CAMTA1: variants seen among roughly 807,000 people sequenced by gnomAD.
The protein encoded by CAMTA1 is calmodulin binding transcription activator 1, also known as calmodulin-binding transcription activator 1.
CAMTA1 carries 27 observed loss-of-function variants against 170.9 expected under a neutral mutation model. The ratio of observed to expected loss-of-function variants is 0.16; its 90% CI spans 0.12 to 0.22. The LOEUF is 0.22. Ranked by LOEUF, CAMTA1 falls within the 10% of genes least tolerant of loss-of-function variation. The pLI, the probability that CAMTA1 is intolerant of heterozygous loss-of-function variation, is 1.00. For missense variants in CAMTA1, 1,619 were observed against 2,217.2 expected, an observed-to-expected ratio of 0.73 and a Z score of 5.42; for synonymous variants, 833 against 891.5, an observed-to-expected ratio of 0.93 and a Z score of 1.17.
At chr1:7,558,846 C>T (rs958788771) in intron 6 of CAMTA1, among the ~76,000 whole-genome samples, 2 of 152,222 alleles carry the variant, frequency 1.3e-5, no homozygotes, top group South Asian at 2.1e-4. Flanking sequence ...ATGACTCCAG[C>T]GTTATTTAGT....
chr1:7,655,966 G>C (rs2095899587), intron 7 of CAMTA1, among the ~76,000 whole-genome samples: 1 of 152,200 alleles, frequency 6.6e-6, no homozygotes, highest in African/African-American at 2.4e-5. Flanking sequence ...GTCTGGAGGT[G>C]GGGCCCCATG....
chr1:6,975,008 C>T lies in CAMTA1; in HGVS notation c.235-116296C>T, dbSNP rs546486083. Among the ~76,000 whole-genome samples the T allele has an allele frequency of 5.3e-5, 8 of 152,330 alleles. No homozygotes were observed. The East Asian group carries it at 1.5e-3, about 29-fold the overall frequency. ...ACAAGTTAATTTTTGGACAGATTAT[C>T]CTGCCAACTTAAATTATCAATAAAT... is the stretch of plus-strand genomic sequence containing the variant. On this transcript the variant is annotated intron_variant, in intron 3 of 22. Transcript: ENST00000303635.
At chr1:6,941,917 G>C (rs540054715) in intron 3 of CAMTA1, among the ~76,000 whole-genome samples, 23 of 152,340 alleles carry the variant, frequency 1.5e-4, no homozygotes, top group African/African-American at 5.3e-4. Flanking sequence ...GGTAAATGCA[G>C]CCACTGAAGA....
At chr1:7,755,269 G>A (rs974949768) in intron 21 of CAMTA1, among the ~76,000 whole-genome samples, 1 of 142,238 alleles carries the variant, frequency 7.0e-6, no homozygotes, top group Non-Finnish European at 1.5e-5. Context: ...GGAGGCTGCA[G>A]TGAGCCAAGA....
At chr1:7,079,936 T>C (rs1389734859) in intron 3 of CAMTA1, among the ~76,000 whole-genome samples, 1 of 152,216 alleles carries the variant, frequency 6.6e-6, no homozygotes, top group African/African-American at 2.4e-5. Context: ...TAAAATTCCG[T>C]ATAGAGTAAA....
At chr1:7,453,138 C>T (rs1219132379) in intron 5 of CAMTA1, among the ~76,000 whole-genome samples, 1 of 152,244 alleles carries the variant, frequency 6.6e-6, no homozygotes, top group Non-Finnish European at 1.5e-5. Context: ...CTCCCAGCAG[C>T]ATCTGGTGGC....
At chr1:7,085,198 C>A (rs1385525795) in intron 3 of CAMTA1, among the ~76,000 whole-genome samples, 2 of 152,172 alleles carry the variant, frequency 1.3e-5, no homozygotes, top group Admixed American at 6.5e-5. Context: ...TTGGACAGTG[C>A]AACTCTGGCA....
chr1:7,492,519 C>T (rs1288296833), intron 6 of CAMTA1, among the ~76,000 whole-genome samples: 1 of 152,192 alleles, frequency 6.6e-6, no homozygotes, highest in Non-Finnish European at 1.5e-5. Flanking sequence ...GAGAGCTCAT[C>T]CGCTCCTGCA....
chr1:7,110,546 C>CG (rs1304000173), intron 4 of CAMTA1, among the ~76,000 whole-genome samples: 2 of 152,220 alleles, frequency 1.3e-5, no homozygotes, highest in Admixed American at 1.3e-4. Flanking sequence ...AGCCCTGCTA[C>CG]GGGGGAGAGT....
At chr1:7,555,331 G>T (rs566727529) in intron 6 of CAMTA1, among the ~76,000 whole-genome samples, 1 of 152,226 alleles carries the variant, frequency 6.6e-6, no homozygotes, top group South Asian at 2.1e-4. Context: ...TAGGACCCAG[G>T]AGGGCAGCTG....
chr1:7,739,161 G>A (rs536098800), intron 16 of CAMTA1, among the ~76,000 whole-genome samples: 35 of 148,374 alleles, frequency 2.4e-4, no homozygotes, highest in Non-Finnish European at 4.5e-4. Context: ...AAACATGTTT[G>A]AATTCCTCTC....
At chr1:7,021,574 CA>C (rs1195240738) in intron 3 of CAMTA1, among the ~76,000 whole-genome samples, 3 of 152,302 alleles carry the variant, frequency 2.0e-5, no homozygotes, top group Non-Finnish European at 2.9e-5. Flanking sequence ...AACCACTGGA[CA>C]GTGAGCACGG....
intron 4 of CAMTA1, among the ~76,000 whole-genome samples, chr1:7,153,661 C>A (rs1029508823): frequency 6.6e-6 from 1 of 152,168 alleles, no homozygotes; most frequent in East Asian, 1.9e-4. Flanking sequence ...CCTGCTCTTT[C>A]TCACAGCAGA....
At chr1:7,471,382 C>T (rs2093327382) in intron 6 of CAMTA1, among the ~76,000 whole-genome samples, 1 of 152,226 alleles carries the variant, frequency 6.6e-6, no homozygotes, top group African/African-American at 2.4e-5. Flanking sequence ...TGTGAGGTCA[C>T]CAGGACAGCT....
chr1:7,038,310 C>A (rs1703936806), intron 3 of CAMTA1, among the ~76,000 whole-genome samples: 1 of 152,108 alleles, frequency 6.6e-6, no homozygotes, highest in Non-Finnish European at 1.5e-5. Flanking sequence ...TGCAAAGTAA[C>A]CTAAATGTCC....
intron 3 of CAMTA1, among the ~76,000 whole-genome samples, chr1:6,927,782 TC>T (rs1683607567): frequency 6.6e-6 from 1 of 152,242 alleles, no homozygotes; most frequent in South Asian, 2.1e-4. Flanking sequence ...ATGTAAATAT[TC>T]CTGCAGGTCT....
At chr1:7,579,924 CTGGGA>C (rs2095244330) in intron 6 of CAMTA1, among the ~76,000 whole-genome samples, 1 of 152,260 alleles carries the variant, frequency 6.6e-6, no homozygotes, top group African/African-American at 2.4e-5. Context: ...TCCTGCGTCA[CTGGGA>C]CAGTTCTGAG....
chr1:7,305,502 G>T (rs1447734906), intron 5 of CAMTA1, among the ~76,000 whole-genome samples: 1 of 151,912 alleles, frequency 6.6e-6, no homozygotes, highest in South Asian at 2.1e-4. Context: ...TTGTCTTTTT[G>T]AAAATGTCTT....
rs907782872 is a variant in CAMTA1 at position 7,463,653 on chromosome 1, A to G, written c.439-4177A>G. Reference sequence around the variant, plus strand: ...GGCAAGGAGAGAGAGACAGATACAGAGATAGGAAGAGAGAAACAGATGGTG... The same window carrying G: ...GGCAAGGAGAGAGAGACAGATACAGGGATAGGAAGAGAGAAACAGATGGTG... On this transcript the variant is annotated intron_variant, in intron 5 of 22. Transcript: ENST00000303635. The surrounding 1 kb of genome is among the most constrained non-coding windows in gnomAD (Gnocchi z 4.7). Among the ~76,000 whole-genome samples, 2 of 152,168 alleles carry G rather than the reference A, an allele frequency of 1.3e-5. No homozygotes were observed. The highest frequency in any genetic ancestry group is 2.4e-5 in the African/African-American group (1 of 41,438).
Sources: allele counts gnomAD v4.1 joint callset (sites outside exome capture counted in the v4.1 genomes callset), GRCh38; gene constraint gnomAD v4.1.1; non-coding constraint Gnocchi (gnomAD v3.1); transcripts MANE v1.5; gene names NCBI Gene and HGNC (gene_info 2026-07-23, HGNC 2026-07-21).